The following CYB5A variants were observed in gnomAD, a reference collection of about 807,000 sequenced individuals.
The protein encoded by CYB5A is cytochrome b5.
CYB5A carries 10 observed loss-of-function variants against 16.2 expected under a neutral mutation model. The observed-to-expected ratio is 0.62, with a 90% CI of 0.38 to 1.04. The LOEUF is 1.04. Ranked by LOEUF, CYB5A falls within the 50% of genes least tolerant of loss-of-function variation. The probability of loss-of-function intolerance (pLI) is 0.01; values close to 1 mark genes in which losing one functional copy is unlikely to be tolerated. For synonymous variants in CYB5A, 62 were observed against 57.0 expected, an observed-to-expected ratio of 1.09 and a Z score of -0.40; for missense variants, 161 against 165.9, an observed-to-expected ratio of 0.97 and a Z score of 0.16.
chr18:74,267,575 T>C (rs1417552101), intron 1 of CYB5A, among the ~76,000 whole-genome samples: 3 of 152,208 alleles, frequency 2.0e-5, no homozygotes, highest in Non-Finnish European at 2.9e-5. Context: ...AGCGGTGTTA[T>C]GTCCTAACCT....
Position 74,281,743 on chromosome 18 carries a change from C to CTGTGTGTGTGTGTGTGTGTGTG in CYB5A, c.129+9982_129+10003dup, listed in dbSNP as rs112934460. Among the ~76,000 whole-genome samples, 268 of 138,820 alleles carry CTGTGTGTGTGTGTGTGTGTGTG rather than the reference C, an allele frequency of 1.9e-3. 5 individuals carry two copies. The highest frequency in any genetic ancestry group is 5.8e-3 in the African/African-American group (203 of 34,750). The allele number at this position is 138,820 out of a possible 152,430, so 91.1% of individuals were successfully genotyped here. On this transcript the variant is annotated intron_variant, in intron 1 of 4. Transcript: ENST00000340533. ...GAGGGGGCAGAAGAGTCAAGGGAGG[C>CTGTGTGTGTGTGTGTGTGTGTG]TGTGTGTGTGTGTGTGTGTGTGTGT...
chr18:74,253,245 A>G lies in CYB5A; in HGVS notation c.*339T>C, dbSNP rs934109455. 6.1e-6 allele frequency: 2 copies of G among 327,770 alleles called. No homozygotes were observed. The highest frequency in any genetic ancestry group is 4.3e-5 in the African/African-American group (2 of 46,102). 20.3% of individuals were successfully genotyped at this position (327,770 alleles called of 1,614,324 possible). A position where few individuals can be genotyped will look rare whatever the true frequency, so the allele number is the denominator to read the frequency against. ...CATTGAAGGAATCCTCTAAATAACC[A>G]GATTCTAAACATTAAAGACAATTAT... On this transcript the variant is annotated 3_prime_UTR_variant, in exon 5 of 5. Transcript: ENST00000340533.
intron 1 of CYB5A, 151 bp downstream of exon 1, chr18:74,291,596 C>A: frequency 8.2e-7 from 1 of 1,221,006 alleles, no homozygotes; most frequent in Non-Finnish European, 1.2e-6. Flanking sequence ...CTCGGAAGCG[C>A]GCCCAGGCGT....
In CYB5A at chr18:74,291,938, C is replaced by T; in HGVS notation, c.-63G>A. On this transcript the variant is annotated 5_prime_UTR_variant, in exon 1 of 5. Transcript: ENST00000340533. ...CCGTCGGGTGGAGCAGAGCGCGCGA[C>T]TCAGCCAGCTCCACCCGGGACATTC... The T allele has an allele frequency of 2.5e-6, 4 of 1,601,904 alleles. No homozygotes were observed. Among genetic ancestry groups the T allele is most frequent in the Non-Finnish European group, 3.4e-6 (4 of 1,179,388 alleles).
At chr18:74,284,996 G>T (rs1466641159) in intron 1 of CYB5A, among the ~76,000 whole-genome samples, 1 of 152,144 alleles carries the variant, frequency 6.6e-6, no homozygotes, top group Non-Finnish European at 1.5e-5. Flanking sequence ...TCAGTAAAAG[G>T]CACAGATACC....
At chr18:74,270,608 C>T (rs554973374) in intron 1 of CYB5A, among the ~76,000 whole-genome samples, 11 of 152,284 alleles carry the variant, frequency 7.2e-5, no homozygotes, top group African/African-American at 2.6e-4. Flanking sequence ...AAAAAAACTG[C>T]TTCTGTACTG....
In CYB5A at chr18:74,254,401, C is replaced by CA. The variant is rs35917281; in HGVS notation, c.324-737dup. Among the ~76,000 whole-genome samples, 814 of 110,388 alleles carry CA rather than the reference C, an allele frequency of 7.4e-3. 2 individuals carry two copies. The highest frequency in any genetic ancestry group is 0.019 in the African/African-American group (548 of 28,740). The allele number at this position is 110,388 out of a possible 152,430, so 72.4% of individuals were successfully genotyped here. A position where few individuals can be genotyped will look rare whatever the true frequency, so the allele number is the denominator to read the frequency against. On this transcript the variant is annotated intron_variant, in intron 4 of 4. Transcript: ENST00000340533. Reference sequence around the variant, plus strand: ...GTGTGGTCCACAGGTCTAAATTCACCAAAAAAAAAAAAAAAAAAGCCTAAA... The same window carrying CA: ...GTGTGGTCCACAGGTCTAAATTCACCAAAAAAAAAAAAAAAAAAAGCCTAAA...
intron 1 of CYB5A, among the ~76,000 whole-genome samples, chr18:74,283,334 C>A (rs561126071): frequency 6.6e-6 from 1 of 152,316 alleles, no homozygotes; most frequent in East Asian, 1.9e-4. Context: ...ATACCCACTA[C>A]ACGTGCAAAC....
At chr18:74,277,283 T>C (rs145497637) in intron 1 of CYB5A, among the ~76,000 whole-genome samples, 109 of 152,354 alleles carry the variant, frequency 7.2e-4, no homozygotes, top group African/African-American at 2.4e-3. Flanking sequence ...ATCAGACTTC[T>C]GTCCTGCTCC....
chr18:74,255,820 G>C (rs368617791), intron 3 of CYB5A, 45 bp from the exon 4 acceptor site: 1 of 1,441,374 alleles, frequency 6.9e-7, no homozygotes, highest in Non-Finnish European at 9.8e-7. Context: ...AGGGAATGCT[G>C]AACTTATTTC....
At chr18:74,276,398 T>G (rs1568221422) in intron 1 of CYB5A, among the ~76,000 whole-genome samples, 1 of 152,092 alleles carries the variant, frequency 6.6e-6, no homozygotes, top group Non-Finnish European at 1.5e-5. Flanking sequence ...TAAAAAGATG[T>G]CTTAAAAATA....
chr18:74,254,251 C>T (rs1161816407), intron 4 of CYB5A, among the ~76,000 whole-genome samples: 2 of 151,808 alleles, frequency 1.3e-5, no homozygotes, highest in Admixed American at 6.6e-5. Flanking sequence ...GAGTATGGGC[C>T]CTGTGATGAT....
chr18:74,281,721 G>A lies in CYB5A; in HGVS notation c.129+10026C>T, dbSNP rs182246896. On this transcript the variant is annotated intron_variant, in intron 1 of 4. Coordinates refer to ENST00000340533, the MANE Select transcript of CYB5A (RefSeq NM_148923.4). Reference sequence around the variant, plus strand: ...GCAGAAAAATGAGGAAATCCTGGAGGGGGCAGAAGAGTCAAGGGAGGCTGT... The same window carrying A: ...GCAGAAAAATGAGGAAATCCTGGAGAGGGCAGAAGAGTCAAGGGAGGCTGT... Among the ~76,000 whole-genome samples, 3 of 148,912 alleles carry A rather than the reference G, an allele frequency of 2.0e-5. No individual in the cohort carries two copies. The East Asian group carries it at 6.2e-4, about 31-fold the overall frequency.
intron 1 of CYB5A, among the ~76,000 whole-genome samples, chr18:74,270,794 G>T (rs78542257): frequency 0.029 from 4,340 of 152,238 alleles, 139 homozygotes; most frequent in East Asian, 0.18. Context: ...CACCTTCGGG[G>T]TTTGGTATCG....
At chr18:74,271,372 G>T (rs760863431) in intron 1 of CYB5A, among the ~76,000 whole-genome samples, 1 of 152,140 alleles carries the variant, frequency 6.6e-6, no homozygotes, top group Non-Finnish European at 1.5e-5. Context: ...CTGAAGTGTG[G>T]ATTTGAGTGA....
chr18:74,258,516 A>G (rs1266402619), intron 3 of CYB5A: 3 of 152,232 alleles, frequency 2.0e-5, no homozygotes, highest in Non-Finnish European at 4.4e-5. Flanking sequence ...ATTCAACTAG[A>G]TATTTTAAGC....
intron 1 of CYB5A, among the ~76,000 whole-genome samples, chr18:74,266,360 C>T (rs1459285825): frequency 6.6e-6 from 1 of 152,186 alleles, no homozygotes; most frequent in Non-Finnish European, 1.5e-5. Flanking sequence ...CCGCTGAACT[C>T]AGGAGCTGCC....
intron 1 of CYB5A, among the ~76,000 whole-genome samples, chr18:74,269,240 T>C (rs1982568844): frequency 6.7e-6 from 1 of 150,172 alleles, no homozygotes. Flanking sequence ...CAGCAGAATT[T>C]TGCACAGTGG....
chr18:74,266,765 G>C (rs1425471917), intron 1 of CYB5A, among the ~76,000 whole-genome samples: 2 of 148,396 alleles, frequency 1.3e-5, no homozygotes, highest in Non-Finnish European at 3.0e-5. Context: ...AAAAAAAAGA[G>C]AGAGAGAGAA....
Sources: allele counts gnomAD v4.1 joint callset (sites outside exome capture counted in the v4.1 genomes callset), GRCh38; gene constraint gnomAD v4.1.1; transcripts MANE v1.5; gene names NCBI Gene and HGNC (gene_info 2026-07-23, HGNC 2026-07-21).